The following GALM variants were observed in gnomAD, a reference collection of about 807,000 sequenced individuals.
GALM encodes galactose mutarotase.
A neutral mutation model predicts 37.4 loss-of-function variants in GALM; 43 were observed. The ratio of observed to expected loss-of-function variants is 1.15; its 90% confidence interval spans 0.90 to 1.48. The LOEUF is 1.48. Ranked by LOEUF, GALM falls within the 40% of genes most tolerant of loss-of-function variation. The pLI is 0.00. For synonymous variants in GALM, 199 were observed against 170.6 expected, an observed-to-expected ratio of 1.17 and a Z score of -1.30; for missense variants, 456 against 419.1, an observed-to-expected ratio of 1.09 and a Z score of -0.77.
chr2:38,711,869 T>A (rs543453683), intron 4 of GALM, among the ~76,000 whole-genome samples: 2,500 of 129,576 alleles, frequency 0.019, 79 homozygotes, highest in African/African-American at 0.065. Context: ...ATCATCATCA[T>A]CAACATCATC....
intron 3 of GALM, among the ~76,000 whole-genome samples, chr2:38,688,086 C>T (rs1665585324): frequency 6.6e-6 from 1 of 151,934 alleles, no homozygotes; most frequent in Admixed American, 6.6e-5. Context: ...GTGGCACACG[C>T]TTGTAATCCC....
chr2:38,689,958 G>T, intron 4 of GALM, 64 bp downstream of exon 4: 1 of 845,106 alleles, frequency 1.2e-6, no homozygotes, highest in South Asian at 1.5e-5. Context: ...GCCAAGAAAG[G>T]ACATTAGTGG....
chr2:38,678,527 C>T (rs1009468536), intron 2 of GALM, among the ~76,000 whole-genome samples: 1 of 152,158 alleles, frequency 6.6e-6, no homozygotes, highest in African/African-American at 2.4e-5. Flanking sequence ...GTTAAGATTT[C>T]ATTTCAATTA....
chr2:38,727,723 T>G (rs3112156), intron 4 of GALM, among the ~76,000 whole-genome samples: 30,791 of 133,532 alleles, frequency 0.23, 3,686 homozygotes, highest in Admixed American at 0.29. Flanking sequence ...AGACTACGTC[T>G]CAAAAAAAAA....
At chr2:38,725,046 C>G (rs1445879782) in intron 4 of GALM, among the ~76,000 whole-genome samples, 1 of 152,132 alleles carries the variant, frequency 6.6e-6, no homozygotes, top group African/African-American at 2.4e-5. Flanking sequence ...TTTTGATTGA[C>G]CTGAGTCGAT....
chr2:38,720,571 A>C (rs942436014), intron 4 of GALM, among the ~76,000 whole-genome samples: 1 of 152,210 alleles, frequency 6.6e-6, no homozygotes, highest in Non-Finnish European at 1.5e-5. Flanking sequence ...ATTGCTATAC[A>C]ACAAATTACT....
In GALM at chr2:38,675,905, C is replaced by G. The variant is rs1325491484; in HGVS notation, c.191-7C>G. On this transcript the variant is annotated splice_polypyrimidine_tract_variant and splice_region_variant and intron_variant, in intron 1 of 6. Coordinates refer to ENST00000272252, the MANE Select transcript of GALM (RefSeq NM_138801.3). ...TTTAAAAGTGCTGTCATCCCTTGTC[C>G]TTGCAGGATACCTCCAAAAGCAGCC... The G allele has an allele frequency of 1.2e-6, 2 of 1,613,872 alleles. No homozygotes were observed. The highest frequency in any genetic ancestry group is 2.2e-5 in the East Asian group (1 of 44,864).
chr2:38,686,994 C>T (rs749262200), intron 3 of GALM, among the ~76,000 whole-genome samples: 79 of 152,188 alleles, frequency 5.2e-4, no homozygotes, highest in Non-Finnish European at 1.0e-3. Flanking sequence ...TGTATGTGGG[C>T]TGCAGCTCCC....
intron 3 of GALM, among the ~76,000 whole-genome samples, chr2:38,688,071 G>A (rs1665584915): frequency 6.6e-6 from 1 of 151,690 alleles, no homozygotes; most frequent in African/African-American, 2.4e-5. Context: ...AATTAGCCAA[G>A]TGTGGTGGCA....
At chr2:38,727,724 C>CA (rs565518448) in intron 4 of GALM, among the ~76,000 whole-genome samples, 2,550 of 61,970 alleles carry the variant, frequency 0.041, 43 homozygotes, top group South Asian at 0.13. Context: ...GACTACGTCT[C>CA]AAAAAAAAAA....
chr2:38,674,191 CT>C (rs202079509), intron 1 of GALM, among the ~76,000 whole-genome samples: 14,597 of 134,398 alleles, frequency 0.11, 709 homozygotes, highest in South Asian at 0.22. Flanking sequence ...ACAGCTTATA[CT>C]TTTTTTTTTT....
intron 2 of GALM, among the ~76,000 whole-genome samples, chr2:38,679,334 C>A (rs1370996417): frequency 6.6e-6 from 1 of 150,962 alleles, no homozygotes; most frequent in Non-Finnish European, 1.5e-5. Flanking sequence ...AAACAATGGA[C>A]AGGTAGTATG....
At chr2:38,706,108 C>T (rs1045543579) in intron 4 of GALM, among the ~76,000 whole-genome samples, 5 of 151,916 alleles carry the variant, frequency 3.3e-5, no homozygotes, top group African/African-American at 7.3e-5. Flanking sequence ...CAGGTTCAAG[C>T]GATTCTCCTG....
chr2:38,733,606 C>G lies in GALM; in HGVS notation c.*41C>G, dbSNP rs1257215567. On this transcript the variant is annotated 3_prime_UTR_variant, in exon 7 of 7. Coordinates refer to ENST00000272252, the MANE Select transcript of GALM (RefSeq NM_138801.3). The stretch of plus-strand genomic sequence containing the variant: ...TGATCCAGTCCAGGGCTAGGCTCAG[C>G]CACCTGTCTCCTGTCCAGAAAAAAG... 1 of 1,371,626 alleles carries G rather than the reference C, an allele frequency of 7.3e-7. No individual in the cohort carries two copies. The allele number at this position is 1,371,626 out of a possible 1,614,324, so 85.0% of individuals were successfully genotyped here. A position where few individuals can be genotyped will look rare whatever the true frequency, so the allele number is the denominator to read the frequency against.
chr2:38,733,489 C>T lies in GALM; in HGVS notation c.953C>T (p.Pro318Leu), dbSNP rs1666646817. 1 of 1,613,484 alleles carries T rather than the reference C, an allele frequency of 6.2e-7. No individual in the cohort carries two copies. Among genetic ancestry groups the T allele is most frequent in the Non-Finnish European group, 8.5e-7 (1 of 1,179,556 alleles). Residue 318 changes from proline to leucine, a missense_variant and splice_region_variant, in exon 7 of 7, where the codon CCC (proline) becomes CTC (leucine). Coordinates refer to ENST00000272252, the MANE Select transcript of GALM (RefSeq NM_138801.3). ...TQNWPDAVNQ[P>L]RFPPVLLRPG... ...ACCTGTGTTGTTTCCCCTTCACAGC[C>T]CCGCTTCCCTCCTGTGCTGCTGAGG...
At position 38,676,033 on chromosome 2, in the gene GALM, C is replaced by T. The variant is rs750336214; in HGVS notation, c.312C>T (p.Asn104=). 7 of 1,614,122 alleles carry T rather than the reference C, an allele frequency of 4.3e-6. No individual in the cohort carries two copies. The highest frequency in any genetic ancestry group is 4.5e-5 in the East Asian group (2 of 44,868). Residue 104 remains asparagine, a synonymous_variant, in exon 2 of 7, where the codon AAC becomes AAT. Transcript: ENST00000272252. The part of the protein sequence containing the change: ...EYHLAINKEP[N]SLHGGVRGFD... ...ACCTGGCCATTAACAAGGAACCCAA[C>T]AGTCTGCATGGAGGAGTCAGAGGGT...
intron 4 of GALM, among the ~76,000 whole-genome samples, chr2:38,700,977 C>T (rs1221238400): frequency 6.6e-6 from 1 of 152,134 alleles, no homozygotes; most frequent in Non-Finnish European, 1.5e-5. Context: ...TTGAGCATTT[C>T]TTATAAGGCT....
At chr2:38,676,176 A>G in intron 2 of GALM, 110 bp downstream of exon 2, 1 of 1,073,908 alleles carries the variant, frequency 9.3e-7, no homozygotes, top group Non-Finnish European at 1.4e-6. Context: ...AGATGCAGGA[A>G]AGAGGCCCCT....
intron 4 of GALM, among the ~76,000 whole-genome samples, chr2:38,698,648 G>A (rs1455769086): frequency 6.6e-6 from 1 of 152,186 alleles, no homozygotes; most frequent in Non-Finnish European, 1.5e-5. Flanking sequence ...GGCTGTCCCT[G>A]TAATTTCCCA....
Sources: gnomAD v4.1 joint callset for allele counts (sites outside exome capture counted in the v4.1 genomes callset) on GRCh38, gnomAD v4.1.1 for gene constraint, MANE v1.5 for transcripts, NCBI Gene and HGNC (gene_info 2026-07-23, HGNC 2026-07-21) for gene names.